GRIK4: variants seen among roughly 807,000 people sequenced by gnomAD.
The protein encoded by GRIK4 is glutamate ionotropic receptor kainate type subunit 4.
In GRIK4, 40 loss-of-function variants were observed where a neutral mutation model predicts 104.9. The observed-to-expected ratio is 0.38, with a 90% CI of 0.30 to 0.50. GRIK4 has a LOEUF of 0.50. Ranked by LOEUF, GRIK4 falls within the 20% of genes least tolerant of loss-of-function variation. The pLI, the probability that GRIK4 is intolerant of heterozygous loss-of-function variation, is 0.93. For synonymous variants in GRIK4, 485 were observed against 524.9 expected (o/e 0.92, Z 1.04); for missense variants, 1,047 against 1,308.1 (o/e 0.80, Z 3.08).
In GRIK4 at chr11:120,875,384, A is replaced by C. The variant is rs878855962; in HGVS notation, c.1164+141A>C. Reference sequence around the variant, plus strand: ...ATCCTGGGCAAGGCTCCTGACCTGCACCAGCCTCTCCCTTCCTGCCACCAG... The same window carrying C: ...ATCCTGGGCAAGGCTCCTGACCTGCCCCAGCCTCTCCCTTCCTGCCACCAG... On this transcript the variant is annotated intron_variant, in intron 11 of 20. Coordinates refer to ENST00000527524, the MANE Select transcript of GRIK4 (RefSeq NM_014619.5). 3.0e-4 allele frequency: 197 copies of C among 646,136 alleles called. 2 individuals are homozygous for C. Among genetic ancestry groups the C allele is most frequent in the African/African-American group, 3.9e-4 (22 of 55,766 alleles). The allele number at this position is 646,136 out of a possible 1,614,324, so 40.0% of individuals were successfully genotyped here. A position where few individuals can be genotyped will look rare whatever the true frequency, so the allele number is the denominator to read the frequency against.
intron 4 of GRIK4, among the ~76,000 whole-genome samples, chr11:120,812,823 G>A (rs929805046): frequency 6.6e-6 from 1 of 152,168 alleles, no homozygotes; most frequent in Admixed American, 6.5e-5. Context: ...GGGTCATCTG[G>A]GCAGAGACAA....
chr11:120,855,503 C>T (rs1027525823), intron 8 of GRIK4, among the ~76,000 whole-genome samples: 1 of 151,460 alleles, frequency 6.6e-6, no homozygotes, highest in African/African-American at 2.4e-5. Context: ...TCTGGAACTT[C>T]AACTAAAGGC....
chr11:120,973,371 G>A lies in GRIK4; in HGVS notation c.2395+6048G>A, dbSNP rs570591536. Among the ~76,000 whole-genome samples the A allele has an allele frequency of 7.2e-5, 11 of 152,208 alleles. No homozygotes were observed. In the East Asian group the frequency reaches 1.4e-3, roughly 19 times the overall value. On this transcript the variant is annotated intron_variant, in intron 19 of 20. Transcript: ENST00000527524. ...GAGGCCTCTCTCCACCACACTTTGG[G>A]ACCAAATGTTCCCTGGCATGAAGGA...
intron 7 of GRIK4, among the ~76,000 whole-genome samples, chr11:120,832,248 C>T (rs539826740): frequency 6.6e-6 from 1 of 152,314 alleles, no homozygotes; most frequent in South Asian, 2.1e-4. Context: ...GGCAGCAGGG[C>T]AGTAGGCAAC....
intron 3 of GRIK4, among the ~76,000 whole-genome samples, chr11:120,765,906 C>T (rs1951830105): frequency 6.6e-6 from 1 of 152,234 alleles, no homozygotes; most frequent in Non-Finnish European, 1.5e-5. Flanking sequence ...TGGGAGGTGT[C>T]TCCCCATCAG....
intron 20 of GRIK4, among the ~76,000 whole-genome samples, chr11:120,984,850 T>G (rs1591359567): frequency 7.4e-6 from 1 of 135,422 alleles, no homozygotes; most frequent in Admixed American, 7.8e-5. Context: ...TGAGATAGAG[T>G]CTCAGTCTGT....
At chr11:120,884,417 C>T (rs532018454) in intron 11 of GRIK4, among the ~76,000 whole-genome samples, 21 of 152,284 alleles carry the variant, frequency 1.4e-4, no homozygotes, top group Non-Finnish European at 2.8e-4. Context: ...CGGGGGTGAG[C>T]GAGACGCCCA....
intron 7 of GRIK4, among the ~76,000 whole-genome samples, chr11:120,833,135 A>G (rs1327745496): frequency 1.3e-5 from 2 of 151,966 alleles, no homozygotes; most frequent in Non-Finnish European, 2.9e-5. Context: ...CTCAGAGTTA[A>G]TAAGAGATTT....
chr11:120,536,106 G>A (rs1312985383), intron 1 of GRIK4, among the ~76,000 whole-genome samples: 1 of 152,264 alleles, frequency 6.6e-6, no homozygotes, highest in Non-Finnish European at 1.5e-5. Flanking sequence ...CTAAGAAGGT[G>A]AGAGGTGCCA....
chr11:120,630,971 A>G (rs1010495462), intron 1 of GRIK4, among the ~76,000 whole-genome samples: 2 of 152,246 alleles, frequency 1.3e-5, no homozygotes, highest in African/African-American at 4.8e-5. Flanking sequence ...GGTGGGCTGC[A>G]CAGTGCTGGT....
chr11:120,796,192 C>T (rs184673539), intron 3 of GRIK4, among the ~76,000 whole-genome samples: 4 of 152,052 alleles, frequency 2.6e-5, no homozygotes, highest in South Asian at 2.1e-4. Flanking sequence ...CCCGCCACAA[C>T]GCCTGGCATA....
intron 1 of GRIK4, among the ~76,000 whole-genome samples, chr11:120,600,113 C>T (rs1948864535): frequency 6.6e-6 from 1 of 152,118 alleles, no homozygotes; most frequent in African/African-American, 2.4e-5. Flanking sequence ...GTGCTGGCAG[C>T]CCTGATTCAG....
rs144536377 is a variant in GRIK4, at chr11:120,523,950, C to T, written c.-159+12063C>T. On this transcript the variant is annotated intron_variant, in intron 1 of 20. Coordinates refer to ENST00000527524, the MANE Select transcript of GRIK4 (RefSeq NM_014619.5). Reference sequence around the variant, plus strand: ...TCTTTTTTTTTTTTTTTTCCTGAGACGGAGCCTTGCTCTGTCACCAGGCTG... The same window carrying T: ...TCTTTTTTTTTTTTTTTTCCTGAGATGGAGCCTTGCTCTGTCACCAGGCTG... 1.4e-4 allele frequency among the ~76,000 whole-genome samples: 21 copies of T among 148,874 alleles called. No homozygotes were observed. In the East Asian group the frequency reaches 2.8e-3, roughly 20 times the overall value.
intron 3 of GRIK4, among the ~76,000 whole-genome samples, chr11:120,694,459 C>T (rs1591810783): frequency 6.6e-6 from 1 of 152,280 alleles, no homozygotes; most frequent in Admixed American, 6.5e-5. Context: ...ATCCCAACAG[C>T]AAAAAGTGAG....
intron 14 of GRIK4, among the ~76,000 whole-genome samples, chr11:120,943,173 A>C (rs1943770995): frequency 7.7e-6 from 1 of 129,272 alleles, no homozygotes. Context: ...TTTGGTGAGG[A>C]TTCCTCTCCT....
At chr11:120,761,387 A>T (rs116111189) in intron 3 of GRIK4, among the ~76,000 whole-genome samples, 2,622 of 152,182 alleles carry the variant, frequency 0.017, 82 homozygotes, top group African/African-American at 0.059. Flanking sequence ...ATTTTCTCCC[A>T]TTTTACAGGT....
intron 3 of GRIK4, among the ~76,000 whole-genome samples, chr11:120,715,894 C>T (rs1281531516): frequency 6.6e-6 from 1 of 152,048 alleles, no homozygotes; most frequent in African/African-American, 2.4e-5. Context: ...TAAACATATT[C>T]TTCCTGAGCC....
At chr11:120,878,619 C>G (rs1592027231) in intron 11 of GRIK4, among the ~76,000 whole-genome samples, 1 of 148,242 alleles carries the variant, frequency 6.7e-6, no homozygotes, top group East Asian at 2.0e-4. Context: ...CCCCGCCCCC[C>G]CCCCTTTTTT....
chr11:120,606,681 T>A (rs754336882), intron 1 of GRIK4, among the ~76,000 whole-genome samples: 1 of 152,054 alleles, frequency 6.6e-6, no homozygotes, highest in African/African-American at 2.4e-5. Flanking sequence ...GGGAGAAGTG[T>A]GTCGTTAGGA....
Sources: allele counts gnomAD v4.1 joint callset (sites outside exome capture counted in the v4.1 genomes callset), GRCh38; gene constraint gnomAD v4.1.1; transcripts MANE v1.5; gene names NCBI Gene and HGNC (gene_info 2026-07-23, HGNC 2026-07-21).